The following SUGP1 variants were observed in gnomAD, a reference collection of about 807,000 sequenced individuals.
SUGP1 encodes the protein SURP and G-patch domain containing 1.
A neutral mutation model predicts 76.5 loss-of-function variants in SUGP1; 34 were observed. The ratio of observed to expected loss-of-function variants is 0.44; its 90% CI spans 0.34 to 0.59. SUGP1 has a LOEUF of 0.59. Among genes scored for constraint, SUGP1 ranks in the 20% least tolerant of loss-of-function variants. The pLI, the probability that SUGP1 is intolerant of heterozygous loss-of-function variation, is 0.01. For missense variants in SUGP1, 752 were observed against 851.7 expected (o/e 0.88, Z 1.46); for synonymous variants, 326 against 326.2 (o/e 1.00, Z 0.01).
intron 11 of SUGP1, 92 bp from the exon 12 acceptor site, chr19:19,277,971 G>A (rs1440858037): frequency 2.0e-6 from 3 of 1,491,810 alleles, no homozygotes; most frequent in African/African-American, 1.4e-5. Context: ...AATCAGTGCT[G>A]GGACCAGTGG....
At chr19:19,319,672 A>T (rs2061423450) in intron 1 of SUGP1, among the ~76,000 whole-genome samples, 1 of 143,334 alleles carries the variant, frequency 7.0e-6, no homozygotes, top group East Asian at 2.0e-4. Context: ...GAGCCACTGC[A>T]CTACAGCCTG....
chr19:19,317,246 T>TA (rs1323388150), intron 1 of SUGP1, among the ~76,000 whole-genome samples: 2 of 149,122 alleles, frequency 1.3e-5, no homozygotes, highest in East Asian at 3.9e-4. Flanking sequence ...AGGCAGAAAA[T>TA]AAACACTAGA....
chr19:19,283,739 C>T (rs1446808167), intron 8 of SUGP1, among the ~76,000 whole-genome samples: 1 of 152,232 alleles, frequency 6.6e-6, no homozygotes, highest in Non-Finnish European at 1.5e-5. Flanking sequence ...CAGGCGTGAG[C>T]CACCACGTCC....
chr19:19,303,270 C>T, intron 6 of SUGP1, 78 bp downstream of exon 6: 2 of 1,277,132 alleles, frequency 1.6e-6, no homozygotes, highest in African/African-American at 2.9e-5. Flanking sequence ...CCAGCACCTC[C>T]AGGAACCCCG....
intron 2 of SUGP1, among the ~76,000 whole-genome samples, chr19:19,311,353 A>G (rs1478104958): frequency 1.3e-5 from 2 of 152,120 alleles, no homozygotes; most frequent in Non-Finnish European, 2.9e-5. Flanking sequence ...CAAAAAAAAA[A>G]AAGAGGGAGA....
At chr19:19,314,069 G>A (rs931230342) in intron 2 of SUGP1, among the ~76,000 whole-genome samples, 3 of 151,982 alleles carry the variant, frequency 2.0e-5, no homozygotes, top group Non-Finnish European at 2.9e-5. Flanking sequence ...CCCAAGAGGC[G>A]GAGGTCGCAG....
At chr19:19,285,644 C>T (rs1331474140) in intron 8 of SUGP1, among the ~76,000 whole-genome samples, 1 of 152,164 alleles carries the variant, frequency 6.6e-6, no homozygotes, top group Non-Finnish European at 1.5e-5. Context: ...TGGCTCACTG[C>T]AGCCTCAATC....
At chr19:19,280,615 C>A in intron 8 of SUGP1, 1 of 301,200 alleles carries the variant, frequency 3.3e-6, no homozygotes, top group Non-Finnish European at 6.4e-6. Context: ...CAGGAATTTG[C>A]AGAGCCAGAG....
At chr19:19,320,388 G>C in intron 1 of SUGP1, 75 bp downstream of exon 1, 1 of 1,506,168 alleles carries the variant, frequency 6.6e-7, no homozygotes, top group South Asian at 1.2e-5. Context: ...GCAGCAGGAC[G>C]GACCCGAGGA....
intron 7 of SUGP1, among the ~76,000 whole-genome samples, chr19:19,300,248 A>G (rs2061260795): frequency 6.9e-6 from 1 of 144,832 alleles, no homozygotes; most frequent in Non-Finnish European, 1.5e-5. Flanking sequence ...GTTAATTTCT[A>G]TATTTTTAGT....
At position 19,280,453 on chromosome 19, in the gene SUGP1, G is replaced by T; in HGVS notation, c.1244-162C>A. 2.2e-5 allele frequency: 14 copies of T among 646,390 alleles called. No individual in the cohort carries two copies. The South Asian group carries it at 2.2e-4, about 10-fold the overall frequency. 40.0% of individuals were successfully genotyped at this position (646,390 alleles called of 1,614,324 possible). On this transcript the variant is annotated intron_variant, in intron 8 of 13. Transcript: ENST00000247001. ...CCACGTGGTACGTGACGGCCTCGGGGTCCCGCTGTGTGCTGCCACGTGCAC... is the reference window on the plus strand; with the variant it reads ...CCACGTGGTACGTGACGGCCTCGGGTTCCCGCTGTGTGCTGCCACGTGCAC...
At chr19:19,299,665 A>C (rs2061256210) in intron 7 of SUGP1, among the ~76,000 whole-genome samples, 1 of 151,592 alleles carries the variant, frequency 6.6e-6, no homozygotes, top group Admixed American at 6.6e-5. Context: ...TACAGGCATG[A>C]GCCACCGCAC....
chr19:19,316,486 C>T lies in SUGP1; in HGVS notation c.142G>A (p.Ala48Thr), dbSNP rs1486997637. 3 of 1,613,918 alleles carry T rather than the reference C, an allele frequency of 1.9e-6. No individual in the cohort carries two copies. Among genetic ancestry groups the T allele is most frequent in the Non-Finnish European group, 1.7e-6 (2 of 1,180,012 alleles). Residue 48 changes from alanine to threonine, a missense_variant, in exon 2 of 14, where the codon GCC (alanine) becomes ACC (threonine). Around this residue, in one of 2 missense-constraint regions of SUGP1, gnomAD observed 620 missense variants for 617.3 expected, o/e 1.00. Transcript: ENST00000247001. ...TGCTTGGCTTTCTGTTCCATTTTGG[C>T]TTCAATTTCCCGTTTCTTCTGAGCG... ...LIAQKKREIE[A>T]KMEQKAKQNQ...
chr19:19,305,889 C>T lies in SUGP1; in HGVS notation c.498G>A (p.Glu166=). Residue 166 remains glutamate, a synonymous_variant, in exon 4 of 14, where the codon GAG becomes GAA. Transcript: ENST00000247001. ...HRPSVFQSPD[E]DEEEDYEQWL... ...ACTGCTCATAGTCCTCCTCCTCGTCCTCGTCAGGGGACTGGAAGACACTCG... is the reference window on the plus strand; with the variant it reads ...ACTGCTCATAGTCCTCCTCCTCGTCTTCGTCAGGGGACTGGAAGACACTCG... 4 of 1,613,172 alleles carry T rather than the reference C, an allele frequency of 2.5e-6. No individual in the cohort carries two copies. The highest frequency in any genetic ancestry group is 2.5e-6 in the Non-Finnish European group (3 of 1,179,526).
intron 8 of SUGP1, among the ~76,000 whole-genome samples, chr19:19,296,693 A>G (rs544735539): frequency 2.6e-5 from 4 of 152,276 alleles, no homozygotes; most frequent in Admixed American, 1.3e-4. Context: ...CAGAATTGCA[A>G]TAGGCCCAGC....
intron 7 of SUGP1, chr19:19,301,932 T>G (rs1195622193): frequency 9.1e-6 from 3 of 330,382 alleles, no homozygotes; most frequent in Middle Eastern, 8.6e-4. Flanking sequence ...GAATTTCCAC[T>G]TGAGAGCCTG....
intron 8 of SUGP1, among the ~76,000 whole-genome samples, chr19:19,296,256 G>A (rs1202759571): frequency 6.6e-6 from 1 of 152,128 alleles, no homozygotes; most frequent in East Asian, 1.9e-4. Context: ...GTTCCTCAAA[G>A]TTAAAAGGAG....
intron 8 of SUGP1, among the ~76,000 whole-genome samples, chr19:19,291,889 T>TCTCACACA (rs1279126542): frequency 5.0e-4 from 64 of 128,706 alleles, no homozygotes; most frequent in East Asian, 1.0e-3. Flanking sequence ...TGAGACTCTG[T>TCTCACACA]CACACACACA....
At chr19:19,289,499 G>A (rs181930813) in intron 8 of SUGP1, among the ~76,000 whole-genome samples, 15 of 152,254 alleles carry the variant, frequency 9.9e-5, no homozygotes, top group Admixed American at 7.2e-4. Flanking sequence ...TGTAATCCTA[G>A]CACTTTGGGA....
Sources: allele counts gnomAD v4.1 joint callset (sites outside exome capture counted in the v4.1 genomes callset), GRCh38; gene constraint gnomAD v4.1.1; regional missense constraint gnomAD v4.1.1; transcripts MANE v1.5; gene names NCBI Gene and HGNC (gene_info 2026-07-23, HGNC 2026-07-21).